AOAH: variants seen among roughly 807,000 people sequenced by gnomAD.
AOAH encodes acyloxyacyl hydrolase, also known as acyloxyacyl hydrolase (neutrophil).
AOAH carries 64 observed loss-of-function variants against 92.2 expected under a neutral mutation model. The ratio of observed to expected loss-of-function variants is 0.69; its 90% CI spans 0.57 to 0.86. AOAH has a LOEUF of 0.86. Among genes scored for constraint, AOAH ranks in the 40% least tolerant of loss-of-function variants. The pLI, the probability that AOAH is intolerant of heterozygous loss-of-function variation, is 0.00. For missense variants in AOAH, 656 were observed against 694.6 expected, an observed-to-expected ratio of 0.94 and a Z score of 0.62; for synonymous variants, 263 against 254.5, an observed-to-expected ratio of 1.03 and a Z score of -0.32.
chr7:36,517,981 AC>A (rs1188100780), intron 20 of AOAH, among the ~76,000 whole-genome samples: 2 of 149,908 alleles, frequency 1.3e-5, no homozygotes, highest in African/African-American at 2.5e-5. Flanking sequence ...GCACACACAC[AC>A]ACTGGATTCC....
intron 13 of AOAH, among the ~76,000 whole-genome samples, chr7:36,571,108 A>G (rs1040974140): frequency 3.9e-5 from 6 of 152,174 alleles, no homozygotes; most frequent in Non-Finnish European, 8.8e-5. Flanking sequence ...CACACAGGAC[A>G]GGGAGGGATG....
At chr7:36,621,386 A>G (rs1792268228) in intron 8 of AOAH, among the ~76,000 whole-genome samples, 1 of 152,224 alleles carries the variant, frequency 6.6e-6, no homozygotes, top group Non-Finnish European at 1.5e-5. Flanking sequence ...AGAAGGCTGG[A>G]TAAGTGTCTA....
chr7:36,596,806 G>A (rs1790158585), intron 11 of AOAH, among the ~76,000 whole-genome samples: 1 of 152,170 alleles, frequency 6.6e-6, no homozygotes, highest in African/African-American at 2.4e-5. Context: ...GTGGTACTTT[G>A]ATATGGCAGC....
chr7:36,516,444 C>A lies in AOAH; in HGVS notation c.1600-3064G>T, dbSNP rs1350479535. ...ACAGAAAGCACGCAGATACCCCCCCCACACACACAGAAAGTGCACGGATAC... is the reference window on the plus strand; with the variant it reads ...ACAGAAAGCACGCAGATACCCCCCCAACACACACAGAAAGTGCACGGATAC... On this transcript the variant is annotated intron_variant, in intron 20 of 20. Transcript: ENST00000617537. This position sits in a 1 kb window ranked among gnomAD's most constrained non-coding sequence, Gnocchi z 5.0. 1.9e-5 allele frequency among the ~76,000 whole-genome samples: 2 copies of A among 103,848 alleles called. 1 individual carries two copies. Among genetic ancestry groups the A allele is most frequent in the Non-Finnish European group, 4.5e-5 (2 of 44,214 alleles). 68.1% of individuals were successfully genotyped at this position (103,848 alleles called of 152,430 possible).
chr7:36,529,414 G>A (rs1183223801), intron 19 of AOAH, among the ~76,000 whole-genome samples: 2 of 152,284 alleles, frequency 1.3e-5, no homozygotes, highest in African/African-American at 2.4e-5. Flanking sequence ...CTCTCCCCAC[G>A]AGAGAAATGT....
chr7:36,577,490 T>G (rs1462559380), intron 12 of AOAH, among the ~76,000 whole-genome samples: 1 of 152,150 alleles, frequency 6.6e-6, no homozygotes, highest in African/African-American at 2.4e-5. Context: ...TCTAAACCTT[T>G]CTGTGTGAGA....
intron 16 of AOAH, among the ~76,000 whole-genome samples, chr7:36,533,770 C>G (rs920867154): frequency 6.6e-6 from 1 of 152,124 alleles, no homozygotes; most frequent in African/African-American, 2.4e-5. Flanking sequence ...CTGACATCTT[C>G]CTTCTCCACT....
At chr7:36,705,514 C>G (rs910750790) in intron 1 of AOAH, among the ~76,000 whole-genome samples, 1 of 152,130 alleles carries the variant, frequency 6.6e-6, no homozygotes, top group Non-Finnish European at 1.5e-5. Context: ...ACATTCCATG[C>G]TCATGGATAG....
At chr7:36,712,507 A>C (rs1441420809) in intron 1 of AOAH, among the ~76,000 whole-genome samples, 1 of 152,216 alleles carries the variant, frequency 6.6e-6, no homozygotes, top group Non-Finnish European at 1.5e-5. Context: ...TTTTGCAAAA[A>C]TTAACATGTC....
chr7:36,632,743 C>G (rs1367730605), intron 5 of AOAH, among the ~76,000 whole-genome samples: 1 of 152,220 alleles, frequency 6.6e-6, no homozygotes, highest in East Asian at 1.9e-4. Flanking sequence ...AAGTGAGGCA[C>G]CAGCATTTAT....
At chr7:36,681,866 T>A (rs1379414959) in intron 2 of AOAH, among the ~76,000 whole-genome samples, 1 of 151,860 alleles carries the variant, frequency 6.6e-6, no homozygotes, top group East Asian at 1.9e-4. Context: ...CAGAAAGCAG[T>A]TACCACAAAG....
Position 36,522,073 on chromosome 7 carries a change from A to G in AOAH, c.1565T>C (p.Leu522Pro). The G allele has an allele frequency of 6.2e-7, 1 of 1,614,236 alleles. No individual in the cohort carries two copies. Among genetic ancestry groups the G allele is most frequent in the Non-Finnish European group, 8.5e-7 (1 of 1,180,034 alleles). ...GTGGAATCCATCCACGGGCTCGATG[A>G]GCTGCCAGGGCTGTCCGCCTCTCTT... ...WQKRGGQPWQ[L>P]IEPVDGFHPN... Residue 522 changes from leucine to proline, a missense_variant, in exon 20 of 21, where the codon CTC (leucine) becomes CCC (proline). Transcript: ENST00000617537.
intron 4 of AOAH, among the ~76,000 whole-genome samples, chr7:36,638,123 T>C (rs1584003329): frequency 6.6e-6 from 1 of 152,254 alleles, no homozygotes; most frequent in African/African-American, 2.4e-5. Flanking sequence ...CTAAGCACTT[T>C]GGAAACATTA....
intron 3 of AOAH, among the ~76,000 whole-genome samples, chr7:36,672,842 T>TA (rs1176826608): frequency 6.6e-6 from 1 of 152,166 alleles, no homozygotes; most frequent in Non-Finnish European, 1.5e-5. Context: ...AGAAAGCAAT[T>TA]AAACATATAA....
intron 12 of AOAH, among the ~76,000 whole-genome samples, chr7:36,577,077 C>G (rs1468435992): frequency 7.2e-6 from 1 of 139,460 alleles, no homozygotes; most frequent in African/African-American, 2.7e-5. Flanking sequence ...CTATTATTGT[C>G]CTTCAGCTTT....
intron 1 of AOAH, among the ~76,000 whole-genome samples, chr7:36,716,939 G>C (rs1350881355): frequency 6.6e-6 from 1 of 151,342 alleles, no homozygotes. Context: ...AAACCTGCAC[G>C]TTGTGCACAT....
chr7:36,514,436 C>T (rs1323610732), intron 20 of AOAH: 1 of 1,447,264 alleles, frequency 6.9e-7, no homozygotes, highest in Admixed American at 2.0e-5. Flanking sequence ...TAATACACAG[C>T]AGGCTCGACT....
chr7:36,563,007 C>T (rs1240958149), intron 13 of AOAH, among the ~76,000 whole-genome samples: 3 of 151,584 alleles, frequency 2.0e-5, no homozygotes, highest in East Asian at 1.9e-4. Context: ...ATTAGCCAGG[C>T]GTGGTGGCAG....
chr7:36,686,381 C>G (rs1258668037), intron 2 of AOAH, among the ~76,000 whole-genome samples: 1 of 152,132 alleles, frequency 6.6e-6, no homozygotes, highest in East Asian at 1.9e-4. Flanking sequence ...CTTCTTAGTA[C>G]TTAAGGCAAT....
Sources: gnomAD v4.1 joint callset for allele counts (sites outside exome capture counted in the v4.1 genomes callset) on GRCh38, gnomAD v4.1.1 for gene constraint, Gnocchi (gnomAD v3.1) non-coding constraint, MANE v1.5 for transcripts, NCBI Gene and HGNC (gene_info 2026-07-23, HGNC 2026-07-21) for gene names.